PTK2: variants seen among roughly 807,000 people sequenced by gnomAD.
The protein encoded by PTK2 is focal adhesion kinase 1.
PTK2 carries 45 observed loss-of-function variants against 150.1 expected under a neutral mutation model. The observed-to-expected ratio is 0.30, with a 90% CI of 0.24 to 0.38. The LOEUF (loss-of-function observed/expected upper bound fraction) is 0.38, where lower values mean the gene tolerates loss of function less well. PTK2 is among the 10% of genes least tolerant of loss of function. The probability of loss-of-function intolerance (pLI) is 1.00; values close to 1 mark genes in which losing one functional copy is unlikely to be tolerated. For missense variants in PTK2, 919 were observed against 1,307.3 expected, an observed-to-expected ratio of 0.70 and a Z score of 4.58; for synonymous variants, 432 against 449.2, an observed-to-expected ratio of 0.96 and a Z score of 0.48.
At chr8:140,686,558 T>C (rs2100019986) in intron 27 of PTK2, 74 bp downstream of exon 30, 4 of 1,118,590 alleles carry the variant, frequency 3.6e-6, no homozygotes, top group African/African-American at 3.1e-5. Flanking sequence ...AACTTGGATA[T>C]ATTGTGACAT....
At chr8:140,743,780 C>CTT (rs1187773634) in intron 19 of PTK2, among the ~76,000 whole-genome samples, 11 of 138,962 alleles carry the variant, frequency 7.9e-5, no homozygotes, top group East Asian at 6.3e-4. Flanking sequence ...TTTTTCTTTT[C>CTT]TTTTTTTTTT....
intron 4 of PTK2, among the ~76,000 whole-genome samples, chr8:140,875,705 T>A (rs1378325288): frequency 1.3e-5 from 2 of 152,342 alleles, no homozygotes; most frequent in South Asian, 2.1e-4. Context: ...ATTCCCCTAC[T>A]GCACCATCTT....
At chr8:140,951,081 G>C (rs960094044) in intron 1 of PTK2, among the ~76,000 whole-genome samples, 2 of 152,012 alleles carry the variant, frequency 1.3e-5, no homozygotes, top group Non-Finnish European at 2.9e-5. Context: ...ACAAATACGA[G>C]ATTTTGCAGA....
At chr8:140,911,836 A>G (rs1475475700) in intron 2 of PTK2, among the ~76,000 whole-genome samples, 2 of 152,252 alleles carry the variant, frequency 1.3e-5, no homozygotes, top group African/African-American at 4.8e-5. Context: ...CCTTGATAAG[A>G]AAACCTGATA....
In PTK2 at chr8:140,715,212, G is replaced by T. The variant is rs552457446; in HGVS notation, c.2142+2386C>A. 5.1e-5 allele frequency among the ~76,000 whole-genome samples: 5 copies of T among 97,678 alleles called. No homozygotes were observed. The East Asian group carries it at 1.8e-3, about 35-fold the overall frequency. 64.1% of individuals were successfully genotyped at this position (97,678 alleles called of 152,430 possible). Reference sequence around the variant, plus strand: ...TTTTTTGAGAGAGTCTCACTTTATCGCCCAAACTAGAGTGCAGTGGCGTGA... The same window carrying T: ...TTTTTTGAGAGAGTCTCACTTTATCTCCCAAACTAGAGTGCAGTGGCGTGA... On this transcript the variant is annotated intron_variant, in intron 23 of 31. Transcript: ENST00000522684.
At chr8:140,676,631 G>T (rs2100013928) in intron 27 of PTK2, among the ~76,000 whole-genome samples, 2 of 150,094 alleles carry the variant, frequency 1.3e-5, no homozygotes, top group Admixed American at 1.3e-4. Flanking sequence ...ACAGCGTTAA[G>T]ACATTACTTA....
intron 22 of PTK2, chr8:140,734,757 T>TGA: frequency 1.9e-6 from 1 of 518,212 alleles, no homozygotes; most frequent in South Asian, 1.4e-5. Flanking sequence ...GAAGCCTTCC[T>TGA]GAAGCAGGTA....
At chr8:140,915,179 G>A (rs1028020799) in intron 2 of PTK2, among the ~76,000 whole-genome samples, 6 of 152,016 alleles carry the variant, frequency 3.9e-5, no homozygotes, top group African/African-American at 9.7e-5. Flanking sequence ...TAAATAAACC[G>A]TCAGGTATGT....
At chr8:140,812,147 G>C (rs2100101957) in intron 10 of PTK2, among the ~76,000 whole-genome samples, 1 of 152,096 alleles carries the variant, frequency 6.6e-6, no homozygotes, top group Non-Finnish European at 1.5e-5. Flanking sequence ...AATGTTAAAG[G>C]AAACTAGAAG....
At chr8:140,738,705 GA>G (rs1300079149) in intron 21 of PTK2, among the ~76,000 whole-genome samples, 3 of 152,094 alleles carry the variant, frequency 2.0e-5, no homozygotes, top group Non-Finnish European at 4.4e-5. Context: ...GGGAGAGAGA[GA>G]AAAGAAAGAA....
At chr8:140,670,956 C>A (rs897037403) in intron 29 of PTK2, among the ~76,000 whole-genome samples, 1 of 152,174 alleles carries the variant, frequency 6.6e-6, no homozygotes. Context: ...CATAATGCTT[C>A]TAGGGACCAT....
chr8:140,900,689 T>A (rs527740212), intron 2 of PTK2, among the ~76,000 whole-genome samples: 13 of 151,766 alleles, frequency 8.6e-5, no homozygotes, highest in Admixed American at 8.5e-4. Flanking sequence ...GCCACTGCAT[T>A]CCAGCCTGGG....
chr8:140,915,389 C>G (rs1334510340), intron 2 of PTK2, among the ~76,000 whole-genome samples: 2 of 152,012 alleles, frequency 1.3e-5, no homozygotes, highest in African/African-American at 2.4e-5. Flanking sequence ...ACAGCAAGAC[C>G]AAGCCACATA....
intron 14 of PTK2, among the ~76,000 whole-genome samples, chr8:140,773,517 G>A (rs2100076740): frequency 6.6e-6 from 1 of 152,186 alleles, no homozygotes; most frequent in Non-Finnish European, 1.5e-5. Context: ...CAGGAGGAGA[G>A]GGAAAGGGCC....
chr8:140,765,137 C>A (rs2100071634), intron 14 of PTK2: 1 of 152,202 alleles, frequency 6.6e-6, no homozygotes, highest in South Asian at 2.1e-4. Context: ...TCTTCAGCTG[C>A]TCCATGTATA....
intron 1 of PTK2, among the ~76,000 whole-genome samples, chr8:140,955,190 C>T (rs983872098): frequency 1.3e-5 from 2 of 152,218 alleles, no homozygotes; most frequent in East Asian, 3.8e-4. Context: ...TGTCCCCACT[C>T]AAATCTTGAA....
At chr8:140,772,617 AGAT>A (rs1472354529) in intron 14 of PTK2, among the ~76,000 whole-genome samples, 2 of 152,224 alleles carry the variant, frequency 1.3e-5, no homozygotes, top group Non-Finnish European at 2.9e-5. Context: ...TGATCACATA[AGAT>A]GATATCTTTG....
chr8:140,892,194 T>G (rs1601050234), intron 2 of PTK2, among the ~76,000 whole-genome samples: 2 of 150,160 alleles, frequency 1.3e-5, no homozygotes, highest in African/African-American at 4.9e-5. Flanking sequence ...GACCACAGAG[T>G]GAGACTGTCT....
rs186587405 is a variant in PTK2, at chr8:140,949,248, T to C, written c.-121-23499A>G. On this transcript the variant is annotated intron_variant, in intron 1 of 31. Transcript: ENST00000522684. ...ATATACAAAACGTGTTAATCAACTG[T>C]TTATATTCTCAATAAGGCTTCCAGT... Among the ~76,000 whole-genome samples the C allele has an allele frequency of 2.0e-5, 3 of 152,358 alleles. No individual in the cohort carries two copies. In the East Asian group the frequency reaches 5.8e-4, roughly 29 times the overall value.
Sources: gnomAD v4.1 joint callset for allele counts (sites outside exome capture counted in the v4.1 genomes callset) on GRCh38, gnomAD v4.1.1 for gene constraint, MANE v1.5 for transcripts, NCBI Gene and HGNC (gene_info 2026-07-23, HGNC 2026-07-21) for gene names.